The following CUL3 variants were observed in gnomAD, a reference collection of about 807,000 sequenced individuals.
CUL3 encodes cullin 3.
In CUL3, 19 loss-of-function variants were observed where a neutral mutation model predicts 89.1. The observed-to-expected ratio is 0.21, with a 90% CI of 0.15 to 0.31. The LOEUF is 0.31. Among genes scored for constraint, CUL3 ranks in the 10% least tolerant of loss-of-function variants. The pLI is 1.00. For synonymous variants in CUL3, 351 were observed against 308.4 expected (o/e 1.14, Z -1.45); for missense variants, 469 against 942.3 (o/e 0.50, Z 6.58).
At chr2:224,551,264 G>A (rs1402988425) in intron 2 of CUL3, among the ~76,000 whole-genome samples, 1 of 149,234 alleles carries the variant, frequency 6.7e-6, no homozygotes, top group Non-Finnish European at 1.5e-5. Context: ...GGAGTGCAGT[G>A]GTGTGATCAC....
chr2:224,503,934 G>A (rs1192421113), intron 8 of CUL3, 112 bp from the exon 9 acceptor site: 2 of 770,436 alleles, frequency 2.6e-6, no homozygotes, highest in Admixed American at 3.6e-5. Flanking sequence ...ATATCTGGTT[G>A]ACATACATCA....
intron 2 of CUL3, among the ~76,000 whole-genome samples, chr2:224,544,608 G>A (rs1457820413): frequency 6.6e-6 from 1 of 151,270 alleles, no homozygotes; most frequent in Admixed American, 6.6e-5. Context: ...GTGGTCTAGG[G>A]GTTTGTCACT....
chr2:224,497,608 C>T, intron 12 of CUL3, 145 bp downstream of exon 12: 1 of 609,086 alleles, frequency 1.6e-6, no homozygotes, highest in South Asian at 2.1e-5. Context: ...AGTAATAAAT[C>T]AAAGCTAGGA....
At chr2:224,561,899 CAAAT>C (rs67123137) in intron 1 of CUL3, among the ~76,000 whole-genome samples, 14,480 of 152,092 alleles carry the variant, frequency 0.095, 905 homozygotes, top group East Asian at 0.26. Context: ...CATTGAGTAA[CAAAT>C]AGATAAAGCA....
At chr2:224,512,540 T>C (rs1282135672) in intron 5 of CUL3, among the ~76,000 whole-genome samples, 3 of 152,244 alleles carry the variant, frequency 2.0e-5, no homozygotes, top group African/African-American at 7.2e-5. Flanking sequence ...TAGTACTCAA[T>C]TATTGTTGTT....
chr2:224,541,327 G>A (rs1042345453), intron 2 of CUL3, among the ~76,000 whole-genome samples: 1 of 152,108 alleles, frequency 6.6e-6, no homozygotes, highest in Non-Finnish European at 1.5e-5. Flanking sequence ...TGGCAATTTT[G>A]TACATGAACA....
chr2:224,478,678 G>A (rs980123910), intron 14 of CUL3: 1 of 198,050 alleles, frequency 5.0e-6, no homozygotes, highest in African/African-American at 2.3e-5. Context: ...ATGACTATCA[G>A]AGGTCAATTG....
At chr2:224,582,053 C>T (rs1396607795) in intron 1 of CUL3, among the ~76,000 whole-genome samples, 1 of 152,104 alleles carries the variant, frequency 6.6e-6, no homozygotes, top group Non-Finnish European at 1.5e-5. Flanking sequence ...CAACCTCGGC[C>T]TTACAGGTTC....
intron 2 of CUL3, among the ~76,000 whole-genome samples, chr2:224,554,901 T>C (rs1225325415): frequency 6.6e-6 from 1 of 152,208 alleles, no homozygotes; most frequent in African/African-American, 2.4e-5. Context: ...CTTGTCCTTT[T>C]GATGCCAAAT....
chr2:224,533,895 C>A (rs952654363), intron 3 of CUL3, among the ~76,000 whole-genome samples: 1 of 152,108 alleles, frequency 6.6e-6, no homozygotes, highest in African/African-American at 2.4e-5. Flanking sequence ...GGGTAATAGG[C>A]CTGACTGAAT....
At chr2:224,476,801 TA>T (rs1691338760) in intron 15 of CUL3, among the ~76,000 whole-genome samples, 1 of 152,222 alleles carries the variant, frequency 6.6e-6, no homozygotes. Flanking sequence ...ATTCATAGGA[TA>T]TAAACATGCT....
chr2:224,511,604 A>AT (rs748640894), intron 5 of CUL3, 22 bp from the exon 6 acceptor site: 24 of 1,345,676 alleles, frequency 1.8e-5, no homozygotes, highest in African/African-American at 3.0e-5. Flanking sequence ...AAATATATAT[A>AT]TTTTTTAAAC....
At chr2:224,535,970 C>G (rs1228410385) in intron 2 of CUL3, among the ~76,000 whole-genome samples, 1 of 152,108 alleles carries the variant, frequency 6.6e-6, no homozygotes, top group African/African-American at 2.4e-5. Context: ...TGGCTTCATG[C>G]TACTGCTGAA....
chr2:224,483,981 A>G (rs1217724333), intron 13 of CUL3, among the ~76,000 whole-genome samples: 1 of 152,172 alleles, frequency 6.6e-6, no homozygotes. Flanking sequence ...CTTGAGCCCA[A>G]GAATTCAAAA....
intron 1 of CUL3, among the ~76,000 whole-genome samples, chr2:224,577,485 C>T (rs531557878): frequency 3.3e-5 from 5 of 151,818 alleles, no homozygotes; most frequent in South Asian, 4.2e-4. Flanking sequence ...AGGAGAATGG[C>T]GTGAACCCGG....
chr2:224,472,187 A>G lies in CUL3; in HGVS notation c.*2058T>C, dbSNP rs1280556967. On this transcript the variant is annotated 3_prime_UTR_variant, in exon 16 of 16. Coordinates refer to ENST00000264414, the MANE Select transcript of CUL3 (RefSeq NM_003590.5). ...AGCATAAATATCAAACCTGTGCTCC[A>G]AAGTTAACAAGTATGTCTCTAAACT... 4.4e-6 allele frequency: 1 copy of G among 225,510 alleles called. No individual in the cohort carries two copies. Among genetic ancestry groups the G allele is most frequent in the East Asian group, 6.4e-5 (1 of 15,510 alleles). The allele number at this position is 225,510 out of a possible 1,614,324, so 14.0% of individuals were successfully genotyped here. A position where few individuals can be genotyped will look rare whatever the true frequency, so the allele number is the denominator to read the frequency against.
At chr2:224,487,092 T>G (rs1381413328) in intron 13 of CUL3, among the ~76,000 whole-genome samples, 1 of 152,206 alleles carries the variant, frequency 6.6e-6, no homozygotes, top group Non-Finnish European at 1.5e-5. Flanking sequence ...CCACCAGGTC[T>G]GCCTTACAAG....
chr2:224,565,730 C>T (rs921535112), intron 1 of CUL3, among the ~76,000 whole-genome samples: 16 of 152,166 alleles, frequency 1.1e-4, no homozygotes, highest in African/African-American at 3.6e-4. Context: ...AGTCATCTTC[C>T]GGTGTGATGT....
intron 3 of CUL3, among the ~76,000 whole-genome samples, chr2:224,516,935 G>A (rs1018483384): frequency 2.0e-4 from 30 of 152,102 alleles, no homozygotes; most frequent in African/African-American, 6.5e-4. Flanking sequence ...GTGAGCCACC[G>A]CCTGTAAACC....
Sources: gnomAD v4.1 joint callset for allele counts (sites outside exome capture counted in the v4.1 genomes callset) on GRCh38, gnomAD v4.1.1 for gene constraint, MANE v1.5 for transcripts, NCBI Gene and HGNC (gene_info 2026-07-23, HGNC 2026-07-21) for gene names.